SHISAL1: variants seen among roughly 807,000 people sequenced by gnomAD.
The protein encoded by SHISAL1 is protein shisa-like-1.
In SHISAL1, 9 loss-of-function variants were observed where a neutral mutation model predicts 22.6. The ratio of observed to expected loss-of-function variants is 0.40; its 90% CI spans 0.24 to 0.70. The LOEUF is 0.70. SHISAL1 is among the 30% of genes least tolerant of loss of function. SHISAL1 has a pLI of 0.39. For synonymous variants in SHISAL1, 119 were observed against 115.4 expected, an observed-to-expected ratio of 1.03 and a Z score of -0.20; for missense variants, 246 against 270.6, an observed-to-expected ratio of 0.91 and a Z score of 0.64.
chr22:44,307,612 G>A (rs754708800), intron 1 of SHISAL1, among the ~76,000 whole-genome samples: 33 of 152,272 alleles, frequency 2.2e-4, no homozygotes, highest in African/African-American at 9.6e-5. Flanking sequence ...TGAGTGGGAC[G>A]TTCCTGAACG....
intron 4 of SHISAL1, among the ~76,000 whole-genome samples, chr22:44,264,348 T>C (rs941047271): frequency 4.6e-5 from 7 of 152,200 alleles, no homozygotes; most frequent in Non-Finnish European, 8.8e-5. Context: ...ATCTTCTCAA[T>C]GGTGGTTCCT....
At chr22:44,296,149 C>T (rs750770953) in intron 3 of SHISAL1, among the ~76,000 whole-genome samples, 1 of 151,574 alleles carries the variant, frequency 6.6e-6, no homozygotes, top group African/African-American at 2.4e-5. Context: ...CCCTCCCTCC[C>T]TCCCTCCCTC....
In SHISAL1 at chr22:44,269,080, C is replaced by G. The variant is rs73430746; in HGVS notation, c.599+16348G>C. The stretch of plus-strand genomic sequence containing the variant: ...CCGACGTCCTTTCTACTGCCCGGGA[C>G]AGTAAACATCCACAATACACACACG... On this transcript the variant is annotated intron_variant, in intron 4 of 4. Transcript: ENST00000381176. Among the ~76,000 whole-genome samples, 712 of 152,130 alleles carry G rather than the reference C, an allele frequency of 4.7e-3. 4 individuals carry two copies. Among genetic ancestry groups the G allele is most frequent in the African/African-American group, 0.016 (676 of 41,488 alleles).
chr22:44,307,127 A>T (rs1156972048), intron 1 of SHISAL1, among the ~76,000 whole-genome samples: 1 of 152,138 alleles, frequency 6.6e-6, no homozygotes, highest in Non-Finnish European at 1.5e-5. Flanking sequence ...ACAGGCCTGG[A>T]AGGGCGTCCG....
At chr22:44,320,431 G>T in the SHISAL1 span, among the ~76,000 whole-genome samples, 1 of 152,240 alleles carries the variant, frequency 6.6e-6, no homozygotes, top group South Asian at 2.1e-4. Context: ...GGGAGGAGGT[G>T]CGAGGCCCTG....
intron 4 of SHISAL1, among the ~76,000 whole-genome samples, chr22:44,263,079 C>CTTTCTTT (rs55901041): frequency 0.23 from 20,661 of 88,526 alleles, 3,106 homozygotes; most frequent in South Asian, 0.34. Flanking sequence ...TTCTTTCTTT[C>CTTTCTTT]TTTTTTTTTT....
At chr22:44,330,700 C>T in the SHISAL1 span, among the ~76,000 whole-genome samples, 2 of 152,038 alleles carry the variant, frequency 1.3e-5, no homozygotes, top group African/African-American at 4.8e-5. Flanking sequence ...AATACTAATA[C>T]TAATAATGAT....
At chr22:44,303,802 G>C (rs1471366028) in intron 1 of SHISAL1, among the ~76,000 whole-genome samples, 1 of 152,098 alleles carries the variant, frequency 6.6e-6, no homozygotes, top group Non-Finnish European at 1.5e-5. Context: ...GGCCTGGAGA[G>C]CCCCGAATCC....
intron 1 of SHISAL1, among the ~76,000 whole-genome samples, chr22:44,312,471 T>C (rs1016424777): frequency 6.6e-6 from 1 of 152,220 alleles, no homozygotes; most frequent in South Asian, 2.1e-4. Flanking sequence ...AGCAACTTGC[T>C]CAAGGTCACA....
the SHISAL1 span, among the ~76,000 whole-genome samples, chr22:44,320,254 G>A: frequency 1.3e-5 from 2 of 152,154 alleles, no homozygotes; most frequent in Admixed American, 6.5e-5. Flanking sequence ...GAACACAAAC[G>A]TCCGATCTTA....
chr22:44,304,254 G>A (rs1032944853), intron 1 of SHISAL1, among the ~76,000 whole-genome samples: 5 of 139,974 alleles, frequency 3.6e-5, no homozygotes, highest in South Asian at 2.5e-4. Context: ...AAAGCCACTC[G>A]GGCCACCCAG....
intron 4 of SHISAL1, among the ~76,000 whole-genome samples, chr22:44,284,897 G>GCCTTCCTTCCTTCCTTCCTTCCTTCCTT (rs56376829): frequency 1.9e-4 from 25 of 134,596 alleles, no homozygotes; most frequent in African/African-American, 5.9e-4. Flanking sequence ...CTGCCTTCCT[G>GCCTTCCTTCCTTCCTTCCTTCCTTCCTT]CCTTCCTTCC....
intron 3 of SHISAL1, among the ~76,000 whole-genome samples, chr22:44,286,874 C>T (rs981369105): frequency 4.6e-5 from 7 of 152,238 alleles, no homozygotes; most frequent in Admixed American, 6.5e-5. Flanking sequence ...TTAATCACTC[C>T]GGCGCCGCCT....
At chr22:44,269,714 A>G (rs11912316) in intron 4 of SHISAL1, among the ~76,000 whole-genome samples, 7,390 of 150,558 alleles carry the variant, frequency 0.049, 620 homozygotes, top group African/African-American at 0.17. Context: ...CAACACATAC[A>G]CACACCCATG....
At chr22:44,301,429 G>T (rs555135623) in intron 1 of SHISAL1, among the ~76,000 whole-genome samples, 5 of 152,158 alleles carry the variant, frequency 3.3e-5, no homozygotes, top group Non-Finnish European at 5.9e-5. Flanking sequence ...GGCAGCTTCC[G>T]AGGCACAAGG....
chr22:44,303,179 T>A (rs2055444715), intron 1 of SHISAL1, among the ~76,000 whole-genome samples: 1 of 152,044 alleles, frequency 6.6e-6, no homozygotes, highest in African/African-American at 2.4e-5. Flanking sequence ...GCTGAGCATC[T>A]ACTATGTGCC....
chr22:44,323,060 C>T, the SHISAL1 span, among the ~76,000 whole-genome samples: 70 of 97,820 alleles, frequency 7.2e-4, no homozygotes, highest in South Asian at 1.8e-3. Context: ...CATCCATCCA[C>T]CCACCTCACC....
At chr22:44,303,822 G>A (rs949766547) in intron 1 of SHISAL1, among the ~76,000 whole-genome samples, 2 of 152,100 alleles carry the variant, frequency 1.3e-5, no homozygotes, top group Non-Finnish European at 2.9e-5. Context: ...CCACCCGGGT[G>A]GGAGACCCTG....
intron 4 of SHISAL1, among the ~76,000 whole-genome samples, chr22:44,266,525 G>GGTGTGTGTGTGTGTGTGTGTGTGTGTGT (rs386395566): frequency 6.6e-5 from 3 of 45,650 alleles, no homozygotes; most frequent in Non-Finnish European, 1.7e-4. Context: ...GGGGCTTTGG[G>GGTGTGTGTGTGTGTGTGTGTGTGTGTGT]GTATGTGTGT....
Sources: gnomAD v4.1 joint callset for allele counts (sites outside exome capture counted in the v4.1 genomes callset) on GRCh38, gnomAD v4.1.1 for gene constraint, MANE v1.5 for transcripts, NCBI Gene and HGNC (gene_info 2026-07-23, HGNC 2026-07-21) for gene names.